GPATCH1: variants seen among roughly 807,000 people sequenced by gnomAD.
GPATCH1 encodes G patch domain-containing protein 1.
Under a neutral mutation model 114.9 loss-of-function variants are expected in GPATCH1, and 73 were observed. That is an observed-to-expected ratio of 0.64 (90% CI 0.53 to 0.77). The LOEUF is 0.77. Ranked by LOEUF, GPATCH1 falls within the 30% of genes least tolerant of loss-of-function variation. The probability of loss-of-function intolerance (pLI) is 0.00; values close to 1 mark genes in which losing one functional copy is unlikely to be tolerated. For synonymous variants in GPATCH1, 391 were observed against 428.4 expected, an observed-to-expected ratio of 0.91 and a Z score of 1.08; for missense variants, 1,058 against 1,144.3, an observed-to-expected ratio of 0.92 and a Z score of 1.09.
intron 8 of GPATCH1, among the ~76,000 whole-genome samples, chr19:33,098,556 C>A (rs1477587997): frequency 6.6e-6 from 1 of 152,150 alleles, no homozygotes; most frequent in Non-Finnish European, 1.5e-5. Context: ...GTCAGTCAGA[C>A]CTGGGTTTGG....
At chr19:33,116,617 C>T (rs1393431251) in intron 15 of GPATCH1, among the ~76,000 whole-genome samples, 2 of 152,200 alleles carry the variant, frequency 1.3e-5, no homozygotes, top group African/African-American at 4.8e-5. Flanking sequence ...GCAAGCTCCA[C>T]CTCCCAGGTT....
At chr19:33,101,675 A>T (rs1037830887) in intron 9 of GPATCH1, 101 bp downstream of exon 9, 18 of 656,954 alleles carry the variant, frequency 2.7e-5, no homozygotes, top group African/African-American at 5.5e-5. Context: ...AGATAAGTAA[A>T]TTCTGTTTTC....
At chr19:33,094,147 C>G (rs776400064) in intron 4 of GPATCH1, 25 bp from the exon 5 acceptor site, 9 of 1,215,748 alleles carry the variant, frequency 7.4e-6, no homozygotes, top group Admixed American at 1.7e-5. Context: ...TTGAAAAGTT[C>G]ATTTTCAATG....
chr19:33,106,673 G>A, intron 9 of GPATCH1, 22 bp from the exon 10 acceptor site: 1 of 1,586,928 alleles, frequency 6.3e-7, no homozygotes, highest in Admixed American at 1.7e-5. Context: ...GTATTTTCTG[G>A]GTTTTGTCTT....
Position 33,096,216 on chromosome 19 carries a change from G to A in GPATCH1, c.622G>A (p.Asp208Asn), listed in dbSNP as rs764634246. The change falls in exon 7 of 20, where the codon GAT becomes AAT. Residue 208 changes from aspartate to asparagine, a missense_variant. Around this residue, in one of 3 missense-constraint regions of GPATCH1, gnomAD observed 893 missense variants for 977.4 expected, o/e 0.91. Transcript: ENST00000170564. ...CTTTAAACGGAAATAGGGTGAAGAT[G>A]ATGACTACTTGCCTGATAATGTGAC... ...GSSEGSEGED[D>N]DYLPDNVTFA... 1 of 1,613,612 alleles carries A rather than the reference G, an allele frequency of 6.2e-7. No individual in the cohort carries two copies. The highest frequency in any genetic ancestry group is 8.5e-7 in the Non-Finnish European group (1 of 1,179,850).
intron 19 of GPATCH1, among the ~76,000 whole-genome samples, chr19:33,127,173 T>C (rs1489877517): frequency 6.6e-6 from 1 of 151,762 alleles, no homozygotes; most frequent in African/African-American, 2.4e-5. Flanking sequence ...ACTAGGCTTT[T>C]TAAAAAGTTT....
At chr19:33,100,573 C>T (rs1481650153) in intron 8 of GPATCH1, among the ~76,000 whole-genome samples, 6 of 118,992 alleles carry the variant, frequency 5.0e-5, no homozygotes, top group African/African-American at 1.1e-4. Context: ...GGTGACAGAG[C>T]GAGACTCCAT....
rs1389766734 is a variant in GPATCH1, at chr19:33,087,659, T to G, written c.74-475T>G. On this transcript the variant is annotated intron_variant, in intron 1 of 19. Transcript: ENST00000170564. ...GAAGCCAGGAGATTTCAGTTTCATC[T>G]GTCGGAACTCTCCTGACATTATAAT... Among the ~76,000 whole-genome samples, 4 of 151,970 alleles carry G rather than the reference T, an allele frequency of 2.6e-5. No homozygotes were observed. The Admixed American group carries it at 2.6e-4, about 10-fold the overall frequency.
intron 1 of GPATCH1, 33 bp downstream of exon 1, chr19:33,081,299 A>G: frequency 6.6e-7 from 1 of 1,520,114 alleles, no homozygotes; most frequent in Admixed American, 2.0e-5. Flanking sequence ...GAGCCTGTGG[A>G]AAACAGGCCA....
intron 8 of GPATCH1, among the ~76,000 whole-genome samples, chr19:33,101,104 A>G (rs774829633): frequency 1.3e-5 from 2 of 152,150 alleles, no homozygotes; most frequent in African/African-American, 4.8e-5. Context: ...TTTACACATG[A>G]CGCTCTCACA....
chr19:33,101,979 A>G (rs1260706116), intron 9 of GPATCH1, among the ~76,000 whole-genome samples: 1 of 151,126 alleles, frequency 6.6e-6, no homozygotes. Context: ...CAGTGAGCCA[A>G]GATCACACCA....
chr19:33,100,830 T>G (rs1054121113), intron 8 of GPATCH1, among the ~76,000 whole-genome samples: 2 of 152,036 alleles, frequency 1.3e-5, no homozygotes, highest in African/African-American at 2.4e-5. Flanking sequence ...TACAGTTCAT[T>G]TATACGGACT....
At chr19:33,101,418 A>C (rs1284523609) in intron 8 of GPATCH1, 77 bp from the exon 9 acceptor site, 11 of 810,954 alleles carry the variant, frequency 1.4e-5, no homozygotes, top group Non-Finnish European at 1.9e-5. Context: ...TAGAGATAAG[A>C]ACGTAAAATG....
chr19:33,106,560 T>A, intron 9 of GPATCH1, 135 bp from the exon 10 acceptor site: 1 of 684,664 alleles, frequency 1.5e-6, no homozygotes, highest in Non-Finnish European at 2.5e-6. Flanking sequence ...CAGCCTGTTC[T>A]TGTGCTACCT....
chr19:33,092,270 C>G (rs968785192), intron 3 of GPATCH1, among the ~76,000 whole-genome samples: 1 of 151,956 alleles, frequency 6.6e-6, no homozygotes, highest in African/African-American at 2.4e-5. Flanking sequence ...AGGCTGGTCT[C>G]GGACTCCTGA....
intron 7 of GPATCH1, among the ~76,000 whole-genome samples, chr19:33,096,652 G>A (rs1056245046): frequency 6.6e-6 from 1 of 151,274 alleles, no homozygotes; most frequent in Non-Finnish European, 1.5e-5. Flanking sequence ...TTTTTGAGAC[G>A]GGGTTTCGCT....
At chr19:33,113,595 AT>A in intron 13 of GPATCH1, 171 bp from the exon 14 acceptor site, 4 of 567,170 alleles carry the variant, frequency 7.1e-6, no homozygotes, top group Non-Finnish European at 1.3e-5. Flanking sequence ...GGAAAATCTC[AT>A]GGGACCTAAA....
chr19:33,083,510 T>G (rs991089890), intron 1 of GPATCH1, among the ~76,000 whole-genome samples: 1 of 150,844 alleles, frequency 6.6e-6, no homozygotes, highest in Non-Finnish European at 1.5e-5. Context: ...TTCTCCTGCC[T>G]CAGCCTCTCA....
chr19:33,081,348 C>G, intron 1 of GPATCH1, 82 bp downstream of exon 1: 1 of 1,177,128 alleles, frequency 8.5e-7, no homozygotes, highest in Non-Finnish European at 1.2e-6. Context: ...CAAGTCGGTG[C>G]TGGACCATTG....
Sources: gnomAD v4.1 joint callset for allele counts (sites outside exome capture counted in the v4.1 genomes callset) on GRCh38, gnomAD v4.1.1 for gene constraint, gnomAD v4.1.1 regional missense constraint, MANE v1.5 for transcripts, NCBI Gene and HGNC (gene_info 2026-07-23, HGNC 2026-07-21) for gene names.